PRDM5: variants seen among roughly 807,000 people sequenced by gnomAD.
The protein encoded by PRDM5 is PR domain zinc finger protein 5.
A neutral mutation model predicts 81.2 loss-of-function variants in PRDM5; 56 were observed. That is an observed-to-expected ratio of 0.69 (90% CI 0.56 to 0.86). The LOEUF (loss-of-function observed/expected upper bound fraction) is 0.86, where lower values mean the gene tolerates loss of function less well. PRDM5 is among the 40% of genes least tolerant of loss of function. PRDM5 has a pLI of 0.00. For synonymous variants in PRDM5, 267 were observed against 256.4 expected, an observed-to-expected ratio of 1.04 and a Z score of -0.39; for missense variants, 697 against 770.1, an observed-to-expected ratio of 0.91 and a Z score of 1.12.
chr4:120,865,232 A>G (rs938894941), intron 2 of PRDM5, among the ~76,000 whole-genome samples: 7 of 152,118 alleles, frequency 4.6e-5, no homozygotes, highest in African/African-American at 1.7e-4. Flanking sequence ...TTTTCCAGAG[A>G]TATGGGGCTT....
At chr4:120,792,645 T>C (rs973326102) in intron 10 of PRDM5, among the ~76,000 whole-genome samples, 3 of 151,962 alleles carry the variant, frequency 2.0e-5, no homozygotes, top group African/African-American at 7.3e-5. Context: ...AGCCAGGATA[T>C]AAAAACAACC....
intron 14 of PRDM5, among the ~76,000 whole-genome samples, chr4:120,738,870 ATTGT>A (rs1324855667): frequency 1.3e-5 from 2 of 152,186 alleles, no homozygotes; most frequent in Non-Finnish European, 2.9e-5. Context: ...ATACATTATT[ATTGT>A]TTATGGTTTA....
intron 14 of PRDM5, among the ~76,000 whole-genome samples, chr4:120,741,982 GACAA>G (rs1171568497): frequency 6.6e-6 from 1 of 152,118 alleles, no homozygotes; most frequent in East Asian, 1.9e-4. Flanking sequence ...GCAGGGCACA[GACAA>G]ACAAAAAGAT....
intron 15 of PRDM5, among the ~76,000 whole-genome samples, chr4:120,703,105 T>A (rs1302221026): frequency 6.6e-6 from 1 of 152,162 alleles, no homozygotes; most frequent in East Asian, 1.9e-4. Flanking sequence ...TATAGCCTCA[T>A]GGCTTTTTTC....
intron 15 of PRDM5, among the ~76,000 whole-genome samples, chr4:120,706,505 G>A (rs1578422370): frequency 6.6e-6 from 1 of 151,992 alleles, no homozygotes; most frequent in Non-Finnish European, 1.5e-5. Flanking sequence ...GGGAGATCAT[G>A]ATTTCAGTTT....
intron 11 of PRDM5, among the ~76,000 whole-genome samples, chr4:120,781,724 T>A (rs1004366226): frequency 1.3e-5 from 2 of 152,062 alleles, no homozygotes; most frequent in African/African-American, 4.8e-5. Flanking sequence ...CTCCTGTGAA[T>A]AGATAATAGG....
chr4:120,800,599 A>C (rs553948301), intron 8 of PRDM5, among the ~76,000 whole-genome samples: 2 of 152,200 alleles, frequency 1.3e-5, no homozygotes, highest in Admixed American at 1.3e-4. Flanking sequence ...CCAAAGTAGC[A>C]GGTATGCAGG....
At chr4:120,699,161 A>AATATATATATATATATAT (rs70948358) in intron 15 of PRDM5, among the ~76,000 whole-genome samples, 5 of 73,480 alleles carry the variant, frequency 6.8e-5, no homozygotes, top group African/African-American at 1.8e-4. Context: ...AGGAAATATA[A>AATATATATATATATATAT]ATATATATAT....
chr4:120,768,567 C>A (rs1746743289), intron 13 of PRDM5, among the ~76,000 whole-genome samples: 1 of 152,050 alleles, frequency 6.6e-6, no homozygotes, highest in African/African-American at 2.4e-5. Flanking sequence ...ATATAATAAA[C>A]AATGAGAGCC....
chr4:120,745,886 C>T (rs1177420788), intron 14 of PRDM5, among the ~76,000 whole-genome samples: 1 of 148,772 alleles, frequency 6.7e-6, no homozygotes, highest in East Asian at 1.9e-4. Context: ...CAATGTCATC[C>T]CCATCAAGCT....
At chr4:120,759,458 A>G (rs1289499935) in intron 13 of PRDM5, among the ~76,000 whole-genome samples, 1 of 152,174 alleles carries the variant, frequency 6.6e-6, no homozygotes, top group African/African-American at 2.4e-5. Flanking sequence ...CGGAACCTGA[A>G]GGTTACCTGT....
Position 120,907,691 on chromosome 4 carries a change from T to C in PRDM5, c.94-134A>G, listed in dbSNP as rs1371799344. On this transcript the variant is annotated intron_variant, in intron 1 of 15. Coordinates refer to ENST00000264808, the MANE Select transcript of PRDM5 (RefSeq NM_018699.4). ...GAAGAGATGCTTTTGAAATATTAACTAATTTACCCAACACAAAATGTTTAT... is the reference window on the plus strand; with the variant it reads ...GAAGAGATGCTTTTGAAATATTAACCAATTTACCCAACACAAAATGTTTAT... The C allele has an allele frequency of 1.6e-5, 12 of 761,664 alleles. 1 individual carries two copies. The highest frequency in any genetic ancestry group is 2.8e-5 in the Non-Finnish European group (12 of 427,214). 47.2% of individuals were successfully genotyped at this position (761,664 alleles called of 1,614,324 possible). A position where few individuals can be genotyped will look rare whatever the true frequency, so the allele number is the denominator to read the frequency against.
chr4:120,825,957 C>G (rs1324505146), intron 3 of PRDM5, among the ~76,000 whole-genome samples: 1 of 152,032 alleles, frequency 6.6e-6, no homozygotes, highest in African/African-American at 2.4e-5. Context: ...CCTGGGCAAA[C>G]TAGGATAGTT....
chr4:120,898,506 C>T (rs1256695041), intron 2 of PRDM5, among the ~76,000 whole-genome samples: 1 of 152,176 alleles, frequency 6.6e-6, no homozygotes, highest in East Asian at 1.9e-4. Context: ...TGCCTATACA[C>T]AGAATCAGCA....
rs1330557880 is a variant in PRDM5 at position 120,853,572 on chromosome 4, G to A, written c.178-32C>T. On this transcript the variant is annotated intron_variant, in intron 2 of 15. Transcript: ENST00000264808. ...CATTAAAGGCTCCTGAGTTTACAAT[G>A]GAAGTCAGAATATTAGCCTTTAAAC... The A allele has an allele frequency of 1.9e-6, 3 of 1,613,076 alleles. No individual in the cohort carries two copies. In the East Asian group the frequency reaches 6.7e-5, roughly 36 times the overall value.
chr4:120,695,742 T>C (rs931628075), intron 15 of PRDM5, among the ~76,000 whole-genome samples: 1 of 152,114 alleles, frequency 6.6e-6, no homozygotes, highest in African/African-American at 2.4e-5. Context: ...GTTTATTTCA[T>C]ATGAGCTCTG....
chr4:120,762,334 C>A (rs1745743858), intron 13 of PRDM5: 2 of 152,092 alleles, frequency 1.3e-5, no homozygotes, highest in Admixed American at 6.6e-5. Context: ...GCAACACTTT[C>A]AAGTGAAAAA....
chr4:120,760,551 A>G (rs1745456431), intron 13 of PRDM5, among the ~76,000 whole-genome samples: 1 of 152,202 alleles, frequency 6.6e-6, no homozygotes, highest in Non-Finnish European at 1.5e-5. Context: ...TCATTTAACT[A>G]AAGGAAAATA....
At chr4:120,688,833 C>T (rs1733933380), downstream of PRDM5, among the ~76,000 whole-genome samples, 1 of 152,124 alleles carries the variant, frequency 6.6e-6, no homozygotes, top group Non-Finnish European at 1.5e-5. Context: ...CTGTACATAT[C>T]TGTTTTTATG....
Sources: gnomAD v4.1 joint callset for allele counts (sites outside exome capture counted in the v4.1 genomes callset) on GRCh38, gnomAD v4.1.1 for gene constraint, MANE v1.5 for transcripts, NCBI Gene and HGNC (gene_info 2026-07-23, HGNC 2026-07-21) for gene names.